Variants in NRXN1 observed in about 807,000 individuals in gnomAD.
NRXN1 encodes the protein neurexin-1.
NRXN1 carries 39 observed loss-of-function variants against 150.9 expected under a neutral mutation model. That is an observed-to-expected ratio of 0.26 (90% CI 0.20 to 0.34). NRXN1 has a LOEUF of 0.34. Ranked by LOEUF, NRXN1 falls within the 10% of genes least tolerant of loss-of-function variation. The probability of loss-of-function intolerance (pLI) is 1.00; values close to 1 mark genes in which losing one functional copy is unlikely to be tolerated. For synonymous variants in NRXN1, 924 were observed against 757.0 expected (o/e 1.22, Z -3.62); for missense variants, 1,815 against 1,949.9 (o/e 0.93, Z 1.30).
chr2:50,461,702 A>G (rs561594722), intron 17 of NRXN1, among the ~76,000 whole-genome samples: 23 of 152,132 alleles, frequency 1.5e-4, no homozygotes, highest in African/African-American at 4.6e-4. Context: ...AAACAGCTAC[A>G]CCATACAATG....
At chr2:50,634,530 T>A (rs1052264282) in intron 5 of NRXN1, among the ~76,000 whole-genome samples, 6 of 152,206 alleles carry the variant, frequency 3.9e-5, no homozygotes, top group Admixed American at 2.6e-4. Flanking sequence ...AAACAGAATA[T>A]TTATGTATAT....
rs184930660 is a variant in NRXN1 at position 50,832,089 on chromosome 2, G to A, written c.832+89780C>T. Among the ~76,000 whole-genome samples, 106 of 152,286 alleles carry A rather than the reference G, an allele frequency of 7.0e-4. No homozygotes were observed. In the East Asian group the frequency reaches 0.017, roughly 24 times the overall value. The stretch of plus-strand genomic sequence containing the variant: ...ATAAGGAAAATATTATTTTAGGCAT[G>A]CATACGTACTAGAATCGAGAAAATC... On this transcript the variant is annotated intron_variant, in intron 5 of 22. Transcript: ENST00000401669.
At chr2:50,475,700 C>T (rs369003627) in intron 15 of NRXN1, among the ~76,000 whole-genome samples, 4 of 152,082 alleles carry the variant, frequency 2.6e-5, no homozygotes, top group African/African-American at 9.6e-5. Flanking sequence ...TACTTAGCAC[C>T]ACCACTTAGT....
intron 2 of NRXN1, among the ~76,000 whole-genome samples, chr2:51,022,070 T>TAATA (rs1558601944): frequency 1.3e-5 from 2 of 152,110 alleles, no homozygotes; most frequent in East Asian, 3.9e-4. Context: ...AGGTAATGGA[T>TAATA]CATTATTATA....
At chr2:50,048,392 T>A (rs1415785041) in intron 21 of NRXN1, among the ~76,000 whole-genome samples, 1 of 152,132 alleles carries the variant, frequency 6.6e-6, no homozygotes. Flanking sequence ...TATATAATTA[T>A]AAGTAATGCT....
intron 17 of NRXN1, among the ~76,000 whole-genome samples, chr2:50,300,656 T>C (rs2074061910): frequency 1.3e-5 from 2 of 152,148 alleles, no homozygotes; most frequent in South Asian, 4.1e-4. Flanking sequence ...GCCATGCTCT[T>C]AAAGGGGAAT....
chr2:50,831,972 T>C (rs1314667491), intron 5 of NRXN1, among the ~76,000 whole-genome samples: 1 of 152,092 alleles, frequency 6.6e-6, no homozygotes, highest in African/African-American at 2.4e-5. Context: ...AGGGCTGAAA[T>C]TTGGAAGGCT....
At chr2:50,488,394 G>C (rs998691959) in intron 15 of NRXN1, among the ~76,000 whole-genome samples, 1 of 152,148 alleles carries the variant, frequency 6.6e-6, no homozygotes, top group African/African-American at 2.4e-5. Context: ...GGGGTGAAAA[G>C]CCAGGTCTGA....
chr2:51,002,443 T>C (rs981565172), intron 2 of NRXN1, among the ~76,000 whole-genome samples: 7 of 152,138 alleles, frequency 4.6e-5, no homozygotes, highest in Non-Finnish European at 2.9e-5. Context: ...TTATTTGCTA[T>C]AGTGTACCAT....
intron 17 of NRXN1, among the ~76,000 whole-genome samples, chr2:50,301,547 T>A (rs2074150245): frequency 6.6e-6 from 1 of 152,230 alleles, no homozygotes. Context: ...ACAGATTTTT[T>A]ATGTGATCTC....
At chr2:50,844,512 T>A (rs1038981666) in intron 5 of NRXN1, among the ~76,000 whole-genome samples, 6 of 152,214 alleles carry the variant, frequency 3.9e-5, no homozygotes, top group Non-Finnish European at 7.3e-5. Context: ...ATGTACTCAG[T>A]TTGTCTTATC....
intron 16 of NRXN1, among the ~76,000 whole-genome samples, chr2:50,468,744 G>C (rs546074180): frequency 6.6e-6 from 1 of 151,278 alleles, no homozygotes; most frequent in East Asian, 2.0e-4. Flanking sequence ...GGGACTTTAG[G>C]AATGTCACCT....
At chr2:50,614,402 G>A (rs1333625325) in intron 8 of NRXN1, among the ~76,000 whole-genome samples, 1 of 151,912 alleles carries the variant, frequency 6.6e-6, no homozygotes, top group African/African-American at 2.4e-5. Context: ...GAATAAATTG[G>A]AATGCAAATT....
At chr2:50,427,888 T>A (rs764837774) in intron 17 of NRXN1, among the ~76,000 whole-genome samples, 9 of 152,182 alleles carry the variant, frequency 5.9e-5, no homozygotes, top group Non-Finnish European at 1.3e-4. Flanking sequence ...TTAGAGAGAA[T>A]CCTTAGATTT....
intron 5 of NRXN1, chr2:50,758,033 G>A (rs1377599439): frequency 1.3e-5 from 2 of 151,718 alleles, no homozygotes; most frequent in Non-Finnish European, 2.9e-5. Context: ...AATTTAGAAT[G>A]GATTAGATAG....
chr2:50,195,025 A>C (rs544310448), intron 18 of NRXN1, among the ~76,000 whole-genome samples: 1 of 152,294 alleles, frequency 6.6e-6, no homozygotes, highest in South Asian at 2.1e-4. Context: ...AAAGATTTAC[A>C]CAGATCGATT....
At chr2:50,331,696 C>A (rs1329364089) in intron 17 of NRXN1, among the ~76,000 whole-genome samples, 1 of 152,140 alleles carries the variant, frequency 6.6e-6, no homozygotes. Flanking sequence ...TAACTTCCAA[C>A]ACCATTCTCC....
intron 5 of NRXN1, among the ~76,000 whole-genome samples, chr2:50,897,331 T>G (rs17571374): frequency 6.6e-6 from 1 of 152,058 alleles, no homozygotes; most frequent in Non-Finnish European, 1.5e-5. Context: ...CTTGCTACTT[T>G]CAACACAAAA....
chr2:50,221,223 C>T (rs1187444465), intron 18 of NRXN1, among the ~76,000 whole-genome samples: 1 of 151,894 alleles, frequency 6.6e-6, no homozygotes, highest in Non-Finnish European at 1.5e-5. Flanking sequence ...CTGTTCGCTG[C>T]CTAACAAATC....
Sources: gnomAD v4.1 joint callset for allele counts (sites outside exome capture counted in the v4.1 genomes callset) on GRCh38, gnomAD v4.1.1 for gene constraint, MANE v1.5 for transcripts, NCBI Gene and HGNC (gene_info 2026-07-23, HGNC 2026-07-21) for gene names.